The following DNAJC3 variants were observed in gnomAD, a reference collection of about 807,000 sequenced individuals.
The protein encoded by DNAJC3 is dnaJ homolog subfamily C member 3.
In DNAJC3, 38 loss-of-function variants were observed where a neutral mutation model predicts 68.6. That is an observed-to-expected ratio of 0.55 (90% CI 0.43 to 0.73). The LOEUF is 0.73. DNAJC3 is among the 30% of genes least tolerant of loss of function. The pLI is 0.00. For missense variants in DNAJC3, 526 were observed against 591.9 expected, an observed-to-expected ratio of 0.89 and a Z score of 1.16; for synonymous variants, 203 against 204.0, an observed-to-expected ratio of 1.00 and a Z score of 0.04.
At chr13:95,790,053 G>T (rs543572399) in intron 11 of DNAJC3, among the ~76,000 whole-genome samples, 3 of 152,080 alleles carry the variant, frequency 2.0e-5, no homozygotes, top group Non-Finnish European at 4.4e-5. Context: ...CATTCTGTAG[G>T]TTGTCTGTTT....
At chr13:95,689,670 TC>T (rs1486620859) in intron 1 of DNAJC3, among the ~76,000 whole-genome samples, 1 of 152,118 alleles carries the variant, frequency 6.6e-6, no homozygotes, top group African/African-American at 2.4e-5. Flanking sequence ...TTTTTCTAGT[TC>T]CTTGAGGTGT....
intron 9 of DNAJC3, among the ~76,000 whole-genome samples, chr13:95,780,298 C>T (rs1056009128): frequency 1.3e-5 from 2 of 152,174 alleles, no homozygotes; most frequent in Non-Finnish European, 2.9e-5. Flanking sequence ...ATCTGCCGCA[C>T]AGGCTGTTTC....
intron 2 of DNAJC3, among the ~76,000 whole-genome samples, chr13:95,720,822 TTTG>T (rs1372698257): frequency 1.3e-5 from 2 of 152,100 alleles, no homozygotes; most frequent in African/African-American, 2.4e-5. Flanking sequence ...AAGGTTTTTT[TTTG>T]TTGTTAAAAT....
At chr13:95,747,662 T>A (rs1011816523) in intron 4 of DNAJC3, among the ~76,000 whole-genome samples, 3 of 152,196 alleles carry the variant, frequency 2.0e-5, no homozygotes, top group Admixed American at 6.5e-5. Flanking sequence ...CTGGTTGCTC[T>A]GAAGAATGGA....
intron 4 of DNAJC3, among the ~76,000 whole-genome samples, chr13:95,740,099 G>A (rs1191297464): frequency 1.3e-5 from 2 of 152,166 alleles, no homozygotes; most frequent in South Asian, 2.1e-4. Context: ...CCCCTGCTGG[G>A]GGGTGCCTCC....
intron 1 of DNAJC3, among the ~76,000 whole-genome samples, chr13:95,688,964 G>A (rs906143873): frequency 3.3e-5 from 5 of 150,336 alleles, no homozygotes; most frequent in Admixed American, 3.3e-4. Flanking sequence ...GTGTGTGTGT[G>A]TGCGCGCTGT....
At chr13:95,691,114 C>T (rs1312436195) in intron 1 of DNAJC3, among the ~76,000 whole-genome samples, 2 of 147,256 alleles carry the variant, frequency 1.4e-5, no homozygotes, top group South Asian at 4.4e-4. Context: ...CCCCTCACTT[C>T]CCAGACGGAG....
chr13:95,743,937 T>C (rs1254413839), intron 4 of DNAJC3, among the ~76,000 whole-genome samples: 3 of 152,318 alleles, frequency 2.0e-5, no homozygotes, highest in African/African-American at 7.2e-5. Flanking sequence ...AAAATTGTTT[T>C]AGATATTTTA....
At chr13:95,781,740 T>A (rs959784097) in intron 9 of DNAJC3, among the ~76,000 whole-genome samples, 1 of 152,122 alleles carries the variant, frequency 6.6e-6, no homozygotes, top group Non-Finnish European at 1.5e-5. Flanking sequence ...AGGGCTGATA[T>A]ATGTCTGGCT....
At chr13:95,777,286 G>A (rs58773135) in intron 9 of DNAJC3, among the ~76,000 whole-genome samples, 2,274 of 152,156 alleles carry the variant, frequency 0.015, 60 homozygotes, top group African/African-American at 0.052. Flanking sequence ...TGGCCTGGCC[G>A]TCCAAAGAGC....
chr13:95,723,442 G>T, intron 3 of DNAJC3, 76 bp downstream of exon 3: 1 of 1,504,040 alleles, frequency 6.6e-7, no homozygotes, highest in East Asian at 2.3e-5. Context: ...ATAAGGTGAG[G>T]ACTGGCATGC....
Position 95,677,172 on chromosome 13 carries a change from G to A in DNAJC3, c.-84G>A, listed in dbSNP as rs150503008. 2 of 1,311,962 alleles carry A rather than the reference G, an allele frequency of 1.5e-6. No homozygotes were observed. Among genetic ancestry groups the A allele is most frequent in the Non-Finnish European group, 1.0e-6 (1 of 954,788 alleles). 81.3% of individuals were successfully genotyped at this position (1,311,962 alleles called of 1,614,324 possible). A position where few individuals can be genotyped will look rare whatever the true frequency, so the allele number is the denominator to read the frequency against. ...TGAGGCCTGAGCGAGAGCCGACGGCGGGCGGGCGCAGCTGCTGCCGGAGCG... is the reference window on the plus strand; with the variant it reads ...TGAGGCCTGAGCGAGAGCCGACGGCAGGCGGGCGCAGCTGCTGCCGGAGCG... On this transcript the variant is annotated 5_prime_UTR_variant, in exon 1 of 12. Transcript: ENST00000602402.
intron 1 of DNAJC3, among the ~76,000 whole-genome samples, chr13:95,697,839 A>T (rs1467067236): frequency 2.1e-5 from 2 of 95,476 alleles, no homozygotes; most frequent in African/African-American, 4.2e-5. Context: ...CATTTCCTAG[A>T]TTGCTTTTCT....
chr13:95,741,140 A>G (rs1882128626), intron 4 of DNAJC3, among the ~76,000 whole-genome samples: 1 of 151,980 alleles, frequency 6.6e-6, no homozygotes, highest in South Asian at 2.1e-4. Flanking sequence ...TTCATGTTTA[A>G]GTTCTCATGT....
In DNAJC3 at chr13:95,763,655, T is replaced by C. The variant is rs201637812; in HGVS notation, c.861T>C (p.Ala287=). The C allele has an allele frequency of 6.2e-7, 1 of 1,613,686 alleles. No individual in the cohort carries two copies. Among genetic ancestry groups the C allele is most frequent in the Non-Finnish European group, 8.5e-7 (1 of 1,179,720 alleles). ...GCTCATTTCTTAGATACACAGATGC[T>C]ACCAGCAAATATGAATCTGTCATGA... The part of the protein sequence containing the change: ...ELIRDGRYTD[A]TSKYESVMKT... Residue 287 remains alanine, a synonymous_variant, in exon 8 of 12, where the codon GCT becomes GCC. Coordinates refer to ENST00000602402, the MANE Select transcript of DNAJC3 (RefSeq NM_006260.5).
At chr13:95,738,625 A>T (rs1467464440) in intron 4 of DNAJC3, among the ~76,000 whole-genome samples, 2 of 152,042 alleles carry the variant, frequency 1.3e-5, no homozygotes, top group Non-Finnish European at 1.5e-5. Flanking sequence ...AGTCTGTTTT[A>T]TCAGAGACAA....
At chr13:95,732,014 A>G (rs1881732919) in intron 4 of DNAJC3, among the ~76,000 whole-genome samples, 1 of 149,880 alleles carries the variant, frequency 6.7e-6, no homozygotes, top group South Asian at 2.1e-4. Flanking sequence ...TGCTGAGATT[A>G]CAGGCATCAG....
intron 4 of DNAJC3, among the ~76,000 whole-genome samples, chr13:95,731,815 G>A (rs1230376602): frequency 6.6e-6 from 1 of 151,966 alleles, no homozygotes; most frequent in Non-Finnish European, 1.5e-5. Context: ...ACTCACTGCA[G>A]CCTCAACCTA....
At chr13:95,719,789 T>C (rs915838688) in intron 2 of DNAJC3, among the ~76,000 whole-genome samples, 1 of 152,224 alleles carries the variant, frequency 6.6e-6, no homozygotes, top group Admixed American at 6.5e-5. Flanking sequence ...AAATATTGTA[T>C]GTAGACAATT....
Sources: gnomAD v4.1 joint callset for allele counts (sites outside exome capture counted in the v4.1 genomes callset) on GRCh38, gnomAD v4.1.1 for gene constraint, MANE v1.5 for transcripts, NCBI Gene and HGNC (gene_info 2026-07-23, HGNC 2026-07-21) for gene names.